The following CPLANE1 variants were observed in gnomAD, a reference collection of about 807,000 sequenced individuals.
The protein encoded by CPLANE1 is ciliogenesis and planar polarity effector complex subunit 1.
In CPLANE1, 263 loss-of-function variants were observed where a neutral mutation model predicts 362.5. The observed-to-expected ratio is 0.73, with a 90% CI of 0.66 to 0.80. The LOEUF (loss-of-function observed/expected upper bound fraction) is 0.80. Among genes scored for constraint, CPLANE1 ranks in the 30% least tolerant of loss-of-function variants. CPLANE1 has a pLI of 0.00. For synonymous variants in CPLANE1, 1,212 were observed against 1,302.6 expected (o/e 0.93, Z 1.50); for missense variants, 3,461 against 3,793.4 (o/e 0.91, Z 2.30).
chr5:37,180,487 A>T (rs997163498), intron 27 of CPLANE1, among the ~76,000 whole-genome samples: 1 of 152,208 alleles, frequency 6.6e-6, no homozygotes, highest in Non-Finnish European at 1.5e-5. Flanking sequence ...TAAAATTATC[A>T]TTCTCACAAA....
chr5:37,123,930 TACACACACACAC>T (rs56833956), intron 47 of CPLANE1, among the ~76,000 whole-genome samples: 1 of 144,534 alleles, frequency 6.9e-6, no homozygotes, highest in East Asian at 2.1e-4. Flanking sequence ...TAGGGGAACA[TACACACACACAC>T]ACACACACAC....
chr5:37,184,073 A>G (rs1270690978), intron 25 of CPLANE1, among the ~76,000 whole-genome samples: 1 of 152,216 alleles, frequency 6.6e-6, no homozygotes, highest in Non-Finnish European at 1.5e-5. Flanking sequence ...CCACTGATAT[A>G]CAACAAAATT....
the CPLANE1 span, chr5:37,085,456 G>GAATC: frequency 1.2e-6 from 1 of 862,792 alleles, no homozygotes; most frequent in South Asian, 1.3e-5. Context: ...GGCACAAAAG[G>GAATC]AATCCCTCAT....
chr5:37,187,259 G>A (rs1376304919), intron 23 of CPLANE1, among the ~76,000 whole-genome samples, 155 bp downstream of exon 23: 2 of 151,954 alleles, frequency 1.3e-5, no homozygotes, highest in African/African-American at 4.8e-5. Context: ...ACACACAAGT[G>A]AGGTCCTACA....
intron 16 of CPLANE1, chr5:37,210,072 A>C: frequency 1.2e-6 from 1 of 804,596 alleles, no homozygotes. Flanking sequence ...AGCAAAAAAA[A>C]AGTATGAGAA....
intron 21 of CPLANE1, among the ~76,000 whole-genome samples, chr5:37,188,602 A>G (rs762774559): frequency 6.6e-5 from 10 of 152,228 alleles, no homozygotes; most frequent in Non-Finnish European, 1.5e-4. Flanking sequence ...TATGGAAAAC[A>G]GTGTGAAGAT....
intron 38 of CPLANE1, 137 bp from the exon 39 acceptor site, chr5:37,158,482 G>A: frequency 1.3e-6 from 1 of 746,730 alleles, no homozygotes; most frequent in Non-Finnish European, 2.1e-6. Context: ...AAGTGACATG[G>A]GTATAAATAA....
intron 6 of CPLANE1, among the ~76,000 whole-genome samples, chr5:37,242,710 A>G (rs1800818391): frequency 6.6e-6 from 1 of 152,192 alleles, no homozygotes. Context: ...ATGGATCAAA[A>G]GATAATAATG....
the CPLANE1 span, among the ~76,000 whole-genome samples, chr5:37,095,779 C>T: frequency 6.6e-6 from 1 of 152,170 alleles, no homozygotes; most frequent in Non-Finnish European, 1.5e-5. Flanking sequence ...CTGCTATACA[C>T]CAACAGCAAC....
At chr5:37,135,609 C>T (rs1377844663) in intron 46 of CPLANE1, among the ~76,000 whole-genome samples, 15 of 152,026 alleles carry the variant, frequency 9.9e-5, no homozygotes, top group South Asian at 4.2e-4. Context: ...TCGAGGTGGG[C>T]GGATCACAAG....
At chr5:37,093,816 CCTT>C in the CPLANE1 span, among the ~76,000 whole-genome samples, 1 of 152,168 alleles carries the variant, frequency 6.6e-6, no homozygotes, top group Admixed American at 6.5e-5. Flanking sequence ...AAAACACAAA[CCTT>C]CTTGGAAGGC....
At chr5:37,167,782 T>C (rs953983473) in intron 34 of CPLANE1, among the ~76,000 whole-genome samples, 1 of 151,738 alleles carries the variant, frequency 6.6e-6, no homozygotes, top group African/African-American at 2.4e-5. Flanking sequence ...GTCTCATACA[T>C]AAAAACAAAA....
At chr5:37,197,784 A>G (rs1787958214) in intron 20 of CPLANE1, among the ~76,000 whole-genome samples, 1 of 152,152 alleles carries the variant, frequency 6.6e-6, no homozygotes, top group Non-Finnish European at 1.5e-5. Context: ...AGTGGTTTTT[A>G]GTATATTCAC....
chr5:37,110,297 T>C (rs1008336076), intron 51 of CPLANE1, among the ~76,000 whole-genome samples: 1 of 152,294 alleles, frequency 6.6e-6, no homozygotes, highest in African/African-American at 2.4e-5. Flanking sequence ...CAACTTTGTT[T>C]CTGTACCAGG....
Position 37,209,961 on chromosome 5 carries a change from C to A in CPLANE1, c.2921-3536G>T. 2 of 1,068,048 alleles carry A rather than the reference C, an allele frequency of 1.9e-6. No homozygotes were observed. The highest frequency in any genetic ancestry group is 2.9e-6 in the Non-Finnish European group (2 of 684,904). The allele number at this position is 1,068,048 out of a possible 1,614,324, so 66.2% of individuals were successfully genotyped here. ...CAAGTTTGAGTCTTTAGAAATAAAG[C>A]TAAATGAATATAAGAGAGAAATAGA... On this transcript the variant is annotated intron_variant, in intron 16 of 52. Coordinates refer to ENST00000651892, the MANE Select transcript of CPLANE1 (RefSeq NM_001384732.1). The surrounding 1 kb of genome is among the most constrained non-coding windows in gnomAD (Gnocchi z 4.6).
chr5:37,229,939 G>A (rs1011923771), intron 9 of CPLANE1, among the ~76,000 whole-genome samples: 2 of 152,066 alleles, frequency 1.3e-5, no homozygotes, highest in African/African-American at 4.8e-5. Flanking sequence ...CACTTTGGGA[G>A]GCCAAGGCGG....
intron 51 of CPLANE1, among the ~76,000 whole-genome samples, chr5:37,109,195 G>T (rs1758416059): frequency 6.6e-6 from 1 of 152,160 alleles, no homozygotes; most frequent in Non-Finnish European, 1.5e-5. Context: ...GCAGTCATGT[G>T]GCTCCCTGAA....
At chr5:37,148,974 C>G (rs991775398) in intron 42 of CPLANE1, among the ~76,000 whole-genome samples, 7 of 152,120 alleles carry the variant, frequency 4.6e-5, no homozygotes, top group African/African-American at 1.7e-4. Context: ...TTGCTTCAAC[C>G]TGGGAGGCAG....
intron 28 of CPLANE1, among the ~76,000 whole-genome samples, chr5:37,179,668 G>A (rs553517640): frequency 1.1e-4 from 17 of 152,246 alleles, no homozygotes; most frequent in Admixed American, 3.9e-4. Context: ...TTAACTCCAC[G>A]TAGTGCTCTG....
Sources: allele counts gnomAD v4.1 joint callset (sites outside exome capture counted in the v4.1 genomes callset), GRCh38; gene constraint gnomAD v4.1.1; non-coding constraint Gnocchi (gnomAD v3.1); transcripts MANE v1.5; gene names NCBI Gene and HGNC (gene_info 2026-07-23, HGNC 2026-07-21).